ZBTB7B: variants seen among roughly 807,000 people sequenced by gnomAD.
ZBTB7B encodes the protein zinc finger and BTB domain-containing protein 7B.
Under a neutral mutation model 31.0 loss-of-function variants are expected in ZBTB7B, and 8 were observed. That is an observed-to-expected ratio of 0.26 (90% CI 0.15 to 0.47). ZBTB7B has a LOEUF of 0.47. ZBTB7B is among the 20% of genes least tolerant of loss of function. ZBTB7B has a pLI of 0.99. For missense variants in ZBTB7B, 494 were observed against 742.4 expected (o/e 0.67, Z 3.89); for synonymous variants, 261 against 307.3 (o/e 0.85, Z 1.58).
chr1:155,007,178 T>C (rs953077185), intron 1 of ZBTB7B, among the ~76,000 whole-genome samples: 2 of 152,214 alleles, frequency 1.3e-5, no homozygotes, highest in Non-Finnish European at 2.9e-5. Flanking sequence ...GTACCTATGA[T>C]TGACATCCAT....
chr1:155,010,837 G>A (rs1226696472), intron 1 of ZBTB7B: 2 of 1,211,334 alleles, frequency 1.7e-6, no homozygotes, highest in Non-Finnish European at 2.3e-6. Flanking sequence ...AAAGGAGACA[G>A]AAGTAAGGGG....
chr1:155,011,734 G>A (rs1015247824), intron 1 of ZBTB7B, among the ~76,000 whole-genome samples: 15 of 152,352 alleles, frequency 9.8e-5, no homozygotes, highest in Admixed American at 2.6e-4. Flanking sequence ...GGGATGGGCC[G>A]CCTTCATGGG....
intron 1 of ZBTB7B, among the ~76,000 whole-genome samples, chr1:155,011,851 C>A (rs1345049543): frequency 1.3e-5 from 2 of 152,196 alleles, no homozygotes; most frequent in Non-Finnish European, 1.5e-5. Context: ...AGGGGGAGGC[C>A]TTTGCCCCAC....
At chr1:155,013,150 G>T (rs2102302002) in intron 1 of ZBTB7B, among the ~76,000 whole-genome samples, 1 of 152,332 alleles carries the variant, frequency 6.6e-6, no homozygotes, top group Non-Finnish European at 1.5e-5. Context: ...ATCAGGCATT[G>T]TGCCATATTT....
chr1:155,012,304 G>A (rs1185140345), intron 1 of ZBTB7B, among the ~76,000 whole-genome samples: 2 of 151,906 alleles, frequency 1.3e-5, no homozygotes, highest in East Asian at 3.9e-4. Flanking sequence ...GGTGAGCCAC[G>A]TGCCTGCCAG....
At chr1:155,001,784 C>A (rs1658235914), upstream of ZBTB7B, among the ~76,000 whole-genome samples, 1 of 151,926 alleles carries the variant, frequency 6.6e-6, no homozygotes, top group South Asian at 2.1e-4. This position sits in a 1 kb window ranked among gnomAD's most constrained non-coding sequence, Gnocchi z 4.8. Context: ...CCTTCCCTCC[C>A]CGCGGGGCAC....
Position 155,018,479 on chromosome 1 carries a change from C to A in ZBTB7B, c.*1794C>A. The A allele has an allele frequency of 1.3e-6, 2 of 1,494,852 alleles. No individual in the cohort carries two copies. The highest frequency in any genetic ancestry group is 1.8e-6 in the Non-Finnish European group (2 of 1,100,426). 92.6% of individuals were successfully genotyped at this position (1,494,852 alleles called of 1,614,324 possible). A position where few individuals can be genotyped will look rare whatever the true frequency, so the allele number is the denominator to read the frequency against. ...CTTCCCCCCACCCCAACTCCCCCACCTCGGGTGTAAGCGACAGGAAGAAAT... is the reference window on the plus strand; with the variant it reads ...CTTCCCCCCACCCCAACTCCCCCACATCGGGTGTAAGCGACAGGAAGAAAT... On this transcript the variant is annotated 3_prime_UTR_variant, in exon 3 of 3. Transcript: ENST00000535420.
rs1415237589 is a variant in ZBTB7B at position 155,004,039 on chromosome 1, G to A, written c.-7+1096G>A. Among the ~76,000 whole-genome samples, 1 of 152,208 alleles carries A rather than the reference G, an allele frequency of 6.6e-6. No individual in the cohort carries two copies. Among genetic ancestry groups the A allele is most frequent in the African/African-American group, 2.4e-5 (1 of 41,460 alleles). On this transcript the variant is annotated intron_variant, in intron 1 of 2. Transcript: ENST00000535420. The surrounding 1 kb of genome is among the most constrained non-coding windows in gnomAD (Gnocchi z 4.0). ...CCCCCACGTATCAAAGGGCGGCTGA[G>A]ACATGGTGAGACCTCGGGGCGCCCT...
Position 155,003,532 on chromosome 1 carries a change from C to A in ZBTB7B, c.-7+589C>A, listed in dbSNP as rs530151947. 2.0e-5 allele frequency among the ~76,000 whole-genome samples: 3 copies of A among 152,322 alleles called. No individual in the cohort carries two copies. Among genetic ancestry groups the A allele is most frequent in the African/African-American group, 7.2e-5 (3 of 41,574 alleles). On this transcript the variant is annotated intron_variant, in intron 1 of 2. Transcript: ENST00000535420. This position sits in a 1 kb window ranked among gnomAD's most constrained non-coding sequence, Gnocchi z 5.8. ...CAGCGGTAGTGGGGCTCAGCAACAA[C>A]CTCTGAACCGACATAGAACGACCGC...
At position 155,016,485 on chromosome 1, in the gene ZBTB7B, C is replaced by T. The variant is rs746389055; in HGVS notation, c.1420C>T (p.Pro474Ser). ...KDDAPPHYPP[P>S]STAAASPAGL... The stretch of plus-strand genomic sequence containing the variant: ...CGATGCACCACCCCACTACCCACCA[C>T]CCTCTACCGCTGCTGCATCCCCCGC... The change falls in exon 3 of 3, where the codon CCC (proline) becomes TCC (serine). Residue 474 changes from proline to serine, a missense_variant. Physicochemically the swap from Pro to Ser is moderately conservative, Grantham distance 74 (BLOSUM62 -1). This residue lies in a region of ZBTB7B where 101 missense variants were observed against 119.5 expected (regional missense o/e 0.85). Transcript: ENST00000535420. This position sits in a 1 kb window ranked among gnomAD's most constrained non-coding sequence, Gnocchi z 4.3. The T allele has an allele frequency of 6.2e-6, 10 of 1,613,996 alleles. No individual in the cohort carries two copies.
At chr1:155,009,518 G>T (rs1291579020) in intron 1 of ZBTB7B, among the ~76,000 whole-genome samples, 1 of 152,100 alleles carries the variant, frequency 6.6e-6, no homozygotes, top group African/African-American at 2.4e-5. Flanking sequence ...CAATTGCCTG[G>T]TCCAGGGTGG....
intron 1 of ZBTB7B, among the ~76,000 whole-genome samples, chr1:155,006,504 C>T (rs377539696): frequency 2.0e-5 from 3 of 152,126 alleles, no homozygotes; most frequent in Admixed American, 6.5e-5. Flanking sequence ...ATTCAGGGGT[C>T]GAAGGTGCCC....
At position 155,016,993 on chromosome 1, in the gene ZBTB7B, T is replaced by G; in HGVS notation, c.*308T>G. 1 of 282,716 alleles carries G rather than the reference T, an allele frequency of 3.5e-6. No homozygotes were observed. The highest frequency in any genetic ancestry group is 6.3e-5 in the East Asian group (1 of 15,902). The allele number at this position is 282,716 out of a possible 1,614,324, so 17.5% of individuals were successfully genotyped here. ...AGTAGAAGCAATAATGTATTTCTAA[T>G]TTGTGGGTCCCACTTCGGCTATGCG... On this transcript the variant is annotated 3_prime_UTR_variant, in exon 3 of 3. Coordinates refer to ENST00000535420, the MANE Select transcript of ZBTB7B (RefSeq NM_001256455.2). This position sits in a 1 kb window ranked among gnomAD's most constrained non-coding sequence, Gnocchi z 4.3.
Position 155,015,566 on chromosome 1 carries a change from G to A in ZBTB7B, c.906G>A (p.Glu302=), listed in dbSNP as rs1659323320. Residue 302 remains glutamate, a synonymous_variant, in exon 2 of 3, where the codon GAG becomes GAA. Transcript: ENST00000535420. ...QGGGPPLSPE[E]LGSDEDAIDP... Reference sequence around the variant, plus strand: ...GCGGGCCCCCGCTGTCCCCAGAGGAGCTGGGCTCAGATGAGGATGCCATCG... The same window carrying A: ...GCGGGCCCCCGCTGTCCCCAGAGGAACTGGGCTCAGATGAGGATGCCATCG... 2 of 1,613,804 alleles carry A rather than the reference G, an allele frequency of 1.2e-6. No homozygotes were observed. The highest frequency in any genetic ancestry group is 1.7e-4 in the Middle Eastern group (1 of 5,838).
At chr1:155,012,117 A>G (rs960522854) in intron 1 of ZBTB7B, among the ~76,000 whole-genome samples, 1 of 152,096 alleles carries the variant, frequency 6.6e-6, no homozygotes, top group Non-Finnish European at 1.5e-5. Flanking sequence ...CCCTTGCCCA[A>G]TCCCTGTGTG....
chr1:155,009,193 A>G (rs1658772584), intron 1 of ZBTB7B, among the ~76,000 whole-genome samples: 1 of 151,990 alleles, frequency 6.6e-6, no homozygotes, highest in Non-Finnish European at 1.5e-5. Context: ...GGAGAGGCAG[A>G]AGAGGGGCCT....
rs769906210 is a variant in ZBTB7B at position 155,015,551 on chromosome 1, G to A, written c.891G>A (p.Pro297=). The change falls in exon 2 of 3, where the codon CCG becomes CCA. Residue 297 remains proline, a synonymous_variant. Transcript: ENST00000535420. ...AYGLAQGGGP[P]LSPEELGSDE... ...GGCTGGCGCAGGGTGGCGGGCCCCC[G>A]CTGTCCCCAGAGGAGCTGGGCTCAG... 12 of 1,613,724 alleles carry A rather than the reference G, an allele frequency of 7.4e-6. No individual in the cohort carries two copies. Among genetic ancestry groups the A allele is most frequent in the Admixed American group, 6.7e-5 (4 of 60,002 alleles).
At chr1:155,005,895 C>T (rs928898692) in intron 1 of ZBTB7B, among the ~76,000 whole-genome samples, 21 of 152,286 alleles carry the variant, frequency 1.4e-4, no homozygotes, top group African/African-American at 3.8e-4. Context: ...GGCGCCAAGG[C>T]GGGCCCGGGG....
At chr1:155,008,880 G>A (rs968082399) in intron 1 of ZBTB7B, among the ~76,000 whole-genome samples, 5 of 151,770 alleles carry the variant, frequency 3.3e-5, no homozygotes, top group Non-Finnish European at 4.4e-5. Flanking sequence ...GAGCTGGAGC[G>A]GGGAACAGCC....
Sources: allele counts gnomAD v4.1 joint callset (sites outside exome capture counted in the v4.1 genomes callset), GRCh38; gene constraint gnomAD v4.1.1; regional missense constraint gnomAD v4.1.1; non-coding constraint Gnocchi (gnomAD v3.1); transcripts MANE v1.5; gene names NCBI Gene and HGNC (gene_info 2026-07-23, HGNC 2026-07-21).